SCMH1: variants seen among roughly 807,000 people sequenced by gnomAD.
The protein encoded by SCMH1 is Scm polycomb group protein homolog 1, also known as polycomb protein SCMH1.
Under a neutral mutation model 70.8 loss-of-function variants are expected in SCMH1, and 37 were observed. The ratio of observed to expected loss-of-function variants is 0.52; its 90% CI spans 0.40 to 0.69. The LOEUF (loss-of-function observed/expected upper bound fraction) is 0.69. Ranked by LOEUF, SCMH1 falls within the 30% of genes least tolerant of loss-of-function variation. The pLI is 0.00. For synonymous variants in SCMH1, 292 were observed against 307.4 expected, an observed-to-expected ratio of 0.95 and a Z score of 0.52; for missense variants, 607 against 827.3, an observed-to-expected ratio of 0.73 and a Z score of 3.27.
chr1:41,039,726 G>A (rs116204331), intron 12 of SCMH1, among the ~76,000 whole-genome samples: 2,399 of 151,596 alleles, frequency 0.016, 25 homozygotes, highest in Non-Finnish European at 0.021. Context: ...TGCCCACCTC[G>A]GTCTCCCAAA....
At chr1:41,089,785 C>CTTTTTTTTTT (rs1558778255) in intron 8 of SCMH1, among the ~76,000 whole-genome samples, 3 of 37,320 alleles carry the variant, frequency 8.0e-5, no homozygotes, top group African/African-American at 1.8e-4. Flanking sequence ...ACCATGTTGT[C>CTTTTTTTTTT]TCTTTTTTTT....
chr1:41,158,914 TCAGAGG>T (rs1403763623), intron 4 of SCMH1, among the ~76,000 whole-genome samples: 15 of 152,176 alleles, frequency 9.9e-5, no homozygotes, highest in African/African-American at 3.6e-4. Context: ...GGCCAGAAAG[TCAGAGG>T]GATGACTAAC....
intron 1 of SCMH1, among the ~76,000 whole-genome samples, chr1:41,193,090 T>C (rs897070950): frequency 2.0e-5 from 3 of 152,250 alleles, no homozygotes; most frequent in South Asian, 2.1e-4. Context: ...GGGCCATAGA[T>C]TGCCAACTAC....
At chr1:41,115,079 T>G (rs1002733801) in intron 7 of SCMH1, among the ~76,000 whole-genome samples, 1 of 152,210 alleles carries the variant, frequency 6.6e-6, no homozygotes, top group Non-Finnish European at 1.5e-5. Context: ...CAAATTACAA[T>G]TCCATTGCTA....
intron 4 of SCMH1, 25 bp downstream of exon 4, chr1:41,160,850 C>T (rs1645959298): frequency 6.5e-7 from 1 of 1,548,066 alleles, no homozygotes; most frequent in Non-Finnish European, 8.7e-7. Context: ...CCTTATTTAA[C>T]AGAAACACAA....
chr1:41,119,952 G>C lies in SCMH1; in HGVS notation c.413-2942C>G, dbSNP rs1671519746. The stretch of plus-strand genomic sequence containing the variant: ...TAAATCCCTCCAGAAATTCAAGCGT[G>C]GTGTTTATGTGGGAAAACAACTCTC... On this transcript the variant is annotated intron_variant, in intron 6 of 14. Transcript: ENST00000337495. Among the ~76,000 whole-genome samples the C allele has an allele frequency of 1.3e-5, 2 of 152,066 alleles. 1 individual carries two copies. Among genetic ancestry groups the C allele is most frequent in the South Asian group, 4.1e-4 (2 of 4,822 alleles).
intron 8 of SCMH1, among the ~76,000 whole-genome samples, chr1:41,105,654 T>C (rs1369212186): frequency 6.6e-6 from 1 of 152,158 alleles, no homozygotes; most frequent in Admixed American, 6.5e-5. Context: ...CATTAAGAAC[T>C]TGCATTTTGT....
chr1:41,060,636 C>A (rs1472272345), intron 10 of SCMH1, among the ~76,000 whole-genome samples: 2 of 151,870 alleles, frequency 1.3e-5, no homozygotes, highest in Non-Finnish European at 2.9e-5. Flanking sequence ...TTAATTATGA[C>A]CTTTTTTTAA....
chr1:41,085,659 A>G (rs956294715), intron 8 of SCMH1, among the ~76,000 whole-genome samples: 5 of 152,210 alleles, frequency 3.3e-5, no homozygotes, highest in Admixed American at 1.3e-4. Flanking sequence ...GAGCACTTGC[A>G]ATGTGACTAG....
rs577384981 is a variant in SCMH1, at chr1:41,228,080, A to AG, written c.-118+13978dup. ...GTGCAATAGGCAGCACAGCAGAGAA[A>AG]GGGCTGTCTACAAAGAGGCAAGGAC... On this transcript the variant is annotated intron_variant, in intron 1 of 14. Transcript: ENST00000337495. 4.6e-5 allele frequency among the ~76,000 whole-genome samples: 7 copies of AG among 152,344 alleles called. No individual in the cohort carries two copies. In the East Asian group the frequency reaches 1.3e-3, roughly 29 times the overall value.
intron 8 of SCMH1, among the ~76,000 whole-genome samples, chr1:41,094,970 T>A (rs950433163): frequency 6.6e-6 from 1 of 151,972 alleles, no homozygotes; most frequent in African/African-American, 2.4e-5. Context: ...TCCCTCATCA[T>A]CCTATATAAA....
chr1:41,197,188 C>T (rs1445307910), intron 1 of SCMH1, among the ~76,000 whole-genome samples: 2 of 152,032 alleles, frequency 1.3e-5, no homozygotes, highest in African/African-American at 4.8e-5. Flanking sequence ...GCAATTCTAC[C>T]CCTAGTTATA....
At chr1:41,072,897 TA>T (rs746354837) in intron 9 of SCMH1, among the ~76,000 whole-genome samples, 1 of 151,902 alleles carries the variant, frequency 6.6e-6, no homozygotes, top group Non-Finnish European at 1.5e-5. Flanking sequence ...AAAAGGGATA[TA>T]AGGCTCACAG....
intron 1 of SCMH1, among the ~76,000 whole-genome samples, chr1:41,225,978 C>T (rs1326311156): frequency 6.6e-6 from 1 of 152,162 alleles, no homozygotes; most frequent in Non-Finnish European, 1.5e-5. Context: ...GCAGAGTCCA[C>T]CCTGCCTCAC....
chr1:41,057,413 C>A (rs1650788483), intron 10 of SCMH1, among the ~76,000 whole-genome samples: 1 of 151,004 alleles, frequency 6.6e-6, no homozygotes. Flanking sequence ...GCTAATTTTT[C>A]TTTTTTTTTG....
chr1:41,148,247 A>G (rs547688155), intron 5 of SCMH1, among the ~76,000 whole-genome samples: 1 of 152,222 alleles, frequency 6.6e-6, no homozygotes, highest in Admixed American at 6.5e-5. Context: ...TCATCCTCAC[A>G]ATATACGGTT....
chr1:41,038,229 A>C (rs1645586095), intron 12 of SCMH1, among the ~76,000 whole-genome samples: 1 of 152,208 alleles, frequency 6.6e-6, no homozygotes, highest in African/African-American at 2.4e-5. Flanking sequence ...TGGCTATGAA[A>C]GTCTTTCCTT....
At chr1:41,220,666 A>G (rs1381007586) in intron 1 of SCMH1, among the ~76,000 whole-genome samples, 1 of 152,278 alleles carries the variant, frequency 6.6e-6, no homozygotes, top group East Asian at 1.9e-4. Flanking sequence ...AATGCTAGAA[A>G]TACAGAAATG....
intron 2 of SCMH1, among the ~76,000 whole-genome samples, chr1:41,172,975 T>C (rs886716618): frequency 6.6e-6 from 1 of 152,030 alleles, no homozygotes; most frequent in African/African-American, 2.4e-5. Flanking sequence ...CCTGAAACTA[T>C]AAAACTACTA....
Sources: allele counts gnomAD v4.1 joint callset (sites outside exome capture counted in the v4.1 genomes callset), GRCh38; gene constraint gnomAD v4.1.1; transcripts MANE v1.5; gene names NCBI Gene and HGNC (gene_info 2026-07-23, HGNC 2026-07-21).